The following KCTD16 variants were observed in gnomAD, a reference collection of about 807,000 sequenced individuals.
The protein encoded by KCTD16 is potassium channel tetramerization domain containing 16.
In KCTD16, 13 loss-of-function variants were observed where a neutral mutation model predicts 33.2. The observed-to-expected ratio is 0.39, with a 90% CI of 0.25 to 0.62. The LOEUF (loss-of-function observed/expected upper bound fraction) is 0.62. Among genes scored for constraint, KCTD16 ranks in the 20% least tolerant of loss-of-function variants. The pLI is 0.50. For missense variants in KCTD16, 441 were observed against 525.1 expected (o/e 0.84, Z 1.57); for synonymous variants, 197 against 195.3 (o/e 1.01, Z -0.07).
Position 144,446,328 on chromosome 5 carries a change from G to A in KCTD16, c.833-27332G>A, listed in dbSNP as rs1440790249. On this transcript the variant is annotated intron_variant, in intron 3 of 3. Transcript: ENST00000512467. ...GGAAAGGATTCCCTATTCAATAAAT[G>A]GTGTTGGGAAAACTGGCTAGCTGTA... 2.0e-5 allele frequency among the ~76,000 whole-genome samples: 3 copies of A among 151,918 alleles called. No individual in the cohort carries two copies. The South Asian group carries it at 6.2e-4, about 32-fold the overall frequency.
At chr5:144,404,409 C>A (rs1440614887) in intron 3 of KCTD16, among the ~76,000 whole-genome samples, 1 of 152,094 alleles carries the variant, frequency 6.6e-6, no homozygotes, top group Non-Finnish European at 1.5e-5. Flanking sequence ...GACTAGCCTT[C>A]GTATTCAATG....
At chr5:144,219,850 C>T (rs988778535) in intron 3 of KCTD16, among the ~76,000 whole-genome samples, 1 of 152,036 alleles carries the variant, frequency 6.6e-6, no homozygotes, top group Non-Finnish European at 1.5e-5. Flanking sequence ...ATTCATCTTA[C>T]AAATGTTTGG....
At chr5:144,432,570 C>A (rs1024929258) in intron 3 of KCTD16, among the ~76,000 whole-genome samples, 1 of 151,970 alleles carries the variant, frequency 6.6e-6, no homozygotes, top group African/African-American at 2.4e-5. Context: ...TACACCTGGG[C>A]AAGACTGAAT....
At chr5:144,466,999 ATATATAT>A (rs999152891) in intron 3 of KCTD16, among the ~76,000 whole-genome samples, 1 of 47,878 alleles carries the variant, frequency 2.1e-5, no homozygotes, top group African/African-American at 8.0e-5. Context: ...TATATATATT[ATATATAT>A]TATATATAAT....
chr5:144,451,628 T>C (rs1753945414), intron 3 of KCTD16, among the ~76,000 whole-genome samples: 1 of 152,214 alleles, frequency 6.6e-6, no homozygotes, highest in African/African-American at 2.4e-5. Flanking sequence ...ATATTAACAC[T>C]TCTATTGAAA....
rs563277669 is a variant in KCTD16, at chr5:144,342,819, T to TG, written c.833-130840dup. On this transcript the variant is annotated intron_variant, in intron 3 of 3. Transcript: ENST00000512467. ...GTTGAATTTTGTCGAAGGTCTTTTC[T>TG]GCATCTATTGAGATAATCATGTGGT... Among the ~76,000 whole-genome samples, 28 of 152,368 alleles carry TG rather than the reference T, an allele frequency of 1.8e-4. No homozygotes were observed. In the East Asian group the frequency reaches 4.4e-3, roughly 24 times the overall value.
intron 3 of KCTD16, among the ~76,000 whole-genome samples, chr5:144,426,627 TA>T (rs1044396168): frequency 6.6e-6 from 1 of 151,914 alleles, no homozygotes; most frequent in Non-Finnish European, 1.5e-5. Flanking sequence ...GAGTAATTTA[TA>T]AAAAAAATAA....
chr5:144,388,503 A>G (rs1421234004), intron 3 of KCTD16, among the ~76,000 whole-genome samples: 1 of 152,164 alleles, frequency 6.6e-6, no homozygotes, highest in African/African-American at 2.4e-5. Context: ...ATGAACTTTT[A>G]TCTTCAATTT....
At position 144,473,983 on chromosome 5, in the gene KCTD16, A is replaced by G; in HGVS notation, c.1156A>G (p.Lys386Glu). The G allele has an allele frequency of 6.2e-7, 1 of 1,614,122 alleles. No homozygotes were observed. The highest frequency in any genetic ancestry group is 8.5e-7 in the Non-Finnish European group (1 of 1,180,012). ...SNMSSKKKAV[K>E]EKLSIEEELE... ...CATGAGCAGCAAAAAAAAAGCTGTTAAAGAAAAGCTCTCAATTGAGGAGGA... is the reference window on the plus strand; with the variant it reads ...CATGAGCAGCAAAAAAAAAGCTGTTGAAGAAAAGCTCTCAATTGAGGAGGA... Residue 386 changes from lysine to glutamate, a missense_variant, in exon 4 of 4, where the codon AAA becomes GAA. By Grantham distance (56) the Lys-to-Glu change is moderately conservative. Transcript: ENST00000512467.
At chr5:144,379,345 C>T (rs576136005) in intron 3 of KCTD16, among the ~76,000 whole-genome samples, 20 of 152,168 alleles carry the variant, frequency 1.3e-4, no homozygotes, top group Non-Finnish European at 2.4e-4. Flanking sequence ...AGATATTTCA[C>T]GTACTAGAAG....
intron 3 of KCTD16, among the ~76,000 whole-genome samples, chr5:144,275,198 C>T (rs1755406309): frequency 1.3e-5 from 2 of 152,164 alleles, no homozygotes; most frequent in South Asian, 4.1e-4. Flanking sequence ...AAAGTGCCCA[C>T]TGGTCTCTTG....
chr5:144,255,824 A>G (rs1754830154), intron 3 of KCTD16, among the ~76,000 whole-genome samples: 1 of 152,222 alleles, frequency 6.6e-6, no homozygotes, highest in Non-Finnish European at 1.5e-5. Flanking sequence ...ATCCTAACAT[A>G]ATCATCAGAT....
chr5:144,456,210 C>CA (rs1404100812), intron 3 of KCTD16, among the ~76,000 whole-genome samples: 1 of 151,488 alleles, frequency 6.6e-6, no homozygotes, highest in African/African-American at 2.4e-5. Flanking sequence ...ACAAACCCCC[C>CA]CCAACAAAAT....
chr5:144,410,583 G>A (rs758735206), intron 3 of KCTD16, among the ~76,000 whole-genome samples: 4 of 151,842 alleles, frequency 2.6e-5, no homozygotes, highest in Non-Finnish European at 4.4e-5. Context: ...TCCAAAGTTG[G>A]ACCTATTTTG....
chr5:144,388,961 G>T (rs1217565859), intron 3 of KCTD16, among the ~76,000 whole-genome samples: 3 of 152,154 alleles, frequency 2.0e-5, no homozygotes, highest in Admixed American at 1.3e-4. Context: ...TGCCATAAAA[G>T]TAAGTAAGGG....
chr5:144,348,237 T>C (rs1341604756), intron 3 of KCTD16, among the ~76,000 whole-genome samples: 1 of 152,192 alleles, frequency 6.6e-6, no homozygotes, highest in Non-Finnish European at 1.5e-5. Flanking sequence ...CTATTTCTAG[T>C]GTTATCTGTC....
chr5:144,244,814 T>C (rs1754505525), intron 3 of KCTD16, among the ~76,000 whole-genome samples: 2 of 152,178 alleles, frequency 1.3e-5, no homozygotes, highest in South Asian at 2.1e-4. Flanking sequence ...AGATTCTTAA[T>C]TGGTAAAAAT....
chr5:144,199,862 G>A (rs759007878), intron 2 of KCTD16, among the ~76,000 whole-genome samples: 71 of 151,682 alleles, frequency 4.7e-4, no homozygotes, highest in Non-Finnish European at 9.1e-4. Flanking sequence ...CTACAAGTGC[G>A]TACCATCACA....
intron 3 of KCTD16, among the ~76,000 whole-genome samples, chr5:144,241,320 A>C (rs1754398594): frequency 6.6e-6 from 1 of 152,212 alleles, no homozygotes; most frequent in African/African-American, 2.4e-5. Context: ...CACAGCTTTC[A>C]TGATGGGTGA....
Sources: allele counts gnomAD v4.1 joint callset (sites outside exome capture counted in the v4.1 genomes callset), GRCh38; gene constraint gnomAD v4.1.1; transcripts MANE v1.5; gene names NCBI Gene and HGNC (gene_info 2026-07-23, HGNC 2026-07-21).